The following TCF25 variants were observed in gnomAD, a reference collection of about 807,000 sequenced individuals.
The protein encoded by TCF25 is TCF25 ribosome quality control complex subunit.
A neutral mutation model predicts 83.1 loss-of-function variants in TCF25; 41 were observed. The observed-to-expected ratio is 0.49, with a 90% CI of 0.38 to 0.64. TCF25 has a LOEUF of 0.64. Ranked by LOEUF, TCF25 falls within the 30% of genes least tolerant of loss-of-function variation. The probability of loss-of-function intolerance (pLI) is 0.00; values close to 1 mark genes in which losing one functional copy is unlikely to be tolerated. For missense variants in TCF25, 979 were observed against 914.5 expected (o/e 1.07, Z -0.91); for synonymous variants, 458 against 365.0 (o/e 1.25, Z -2.90).
At chr16:89,875,548 A>T (rs1597245132) in intron 1 of TCF25, among the ~76,000 whole-genome samples, 4 of 98,870 alleles carry the variant, frequency 4.0e-5, no homozygotes, top group South Asian at 3.6e-4. Context: ...TTTGAGATGG[A>T]GTCTCGCTCT....
intron 16 of TCF25, 64 bp from the exon 17 acceptor site, chr16:89,910,527 G>A (rs926817810): frequency 1.3e-6 from 2 of 1,573,432 alleles, no homozygotes; most frequent in Non-Finnish European, 1.7e-6. Context: ...AGCCCCGTGA[G>A]CCGGGTTGGG....
chr16:89,892,302 A>C (rs1341890316), intron 6 of TCF25, 27 bp downstream of exon 6: 2 of 1,500,028 alleles, frequency 1.3e-6, no homozygotes, highest in African/African-American at 2.8e-5. Context: ...GCTGCTGGGG[A>C]TGGAGGGTTG....
At position 89,879,209 on chromosome 16, in the gene TCF25, A is replaced by T. The variant is rs1445533784; in HGVS notation, c.193-4142A>T. Among the ~76,000 whole-genome samples, 5 of 151,450 alleles carry T rather than the reference A, an allele frequency of 3.3e-5. No homozygotes were observed. In the South Asian group the frequency reaches 1.0e-3, roughly 32 times the overall value. The stretch of plus-strand genomic sequence containing the variant: ...TATCACCCGTGCTGTCCGTGTACAC[A>T]GATGGGCTTCGGGGCCTGTCACACG... On this transcript the variant is annotated intron_variant, in intron 1 of 17. Transcript: ENST00000263346.
At chr16:89,895,306 G>A (rs965860108) in intron 8 of TCF25, among the ~76,000 whole-genome samples, 169 bp downstream of exon 8, 7 of 152,154 alleles carry the variant, frequency 4.6e-5, no homozygotes, top group Non-Finnish European at 1.0e-4. Context: ...TTGTTTGTTG[G>A]TGTTTAATAT....
intron 1 of TCF25, among the ~76,000 whole-genome samples, chr16:89,877,172 A>G (rs1290304991): frequency 6.6e-6 from 1 of 152,038 alleles, no homozygotes; most frequent in Non-Finnish European, 1.5e-5. Context: ...TCTACTTTCA[A>G]CCCTGTCAGT....
chr16:89,877,105 AAAAT>A (rs756315948), intron 1 of TCF25, among the ~76,000 whole-genome samples: 16 of 148,980 alleles, frequency 1.1e-4, no homozygotes, highest in South Asian at 4.3e-4. Context: ...CTGTCTCAAA[AAAAT>A]AAATAAATAA....
At chr16:89,885,408 CT>C (rs2144027651) in intron 3 of TCF25, among the ~76,000 whole-genome samples, 1 of 152,276 alleles carries the variant, frequency 6.6e-6, no homozygotes, top group East Asian at 1.9e-4. Flanking sequence ...CTGTCCCATG[CT>C]TATGGGTTAA....
At chr16:89,896,182 G>C (rs1234957052) in intron 9 of TCF25, 99 bp downstream of exon 9, 1 of 1,085,988 alleles carries the variant, frequency 9.2e-7, no homozygotes, top group African/African-American at 1.6e-5. Context: ...TGCCCTCCAG[G>C]GTGGACCAGG....
chr16:89,904,134 C>T lies in TCF25; in HGVS notation c.1398C>T (p.Leu466=), dbSNP rs538983733. 22 of 1,607,162 alleles carry T rather than the reference C, an allele frequency of 1.4e-5. No individual in the cohort carries two copies. The highest frequency in any genetic ancestry group is 3.4e-5 in the Admixed American group (2 of 59,280). Residue 466 remains leucine (L), a synonymous_variant, in exon 13 of 18, where the codon CTC becomes CTT. Coordinates refer to ENST00000263346, the MANE Select transcript of TCF25 (RefSeq NM_014972.3). The part of the protein sequence containing the change: ...TMFPGVLLPL[L]ESCSVRPDAS... The stretch of plus-strand genomic sequence containing the variant: ...CCCCTGCAGTCCTCCTGCCCCTGCT[C>T]GAGTCTTGCAGTGTGCGGCCCGACG...
In TCF25 at chr16:89,911,252, T is replaced by C. The variant is rs1344278613; in HGVS notation, c.*14T>C. The C allele has an allele frequency of 1.9e-5, 30 of 1,610,936 alleles. No individual in the cohort carries two copies. Among genetic ancestry groups the C allele is most frequent in the Non-Finnish European group, 2.5e-5 (29 of 1,179,014 alleles). On this transcript the variant is annotated 3_prime_UTR_variant, in exon 18 of 18. Transcript: ENST00000263346. ...GAGTGGGACTGAGCGTCCGCAGAGG[T>C]GACCGAAAAGCCGTATGATGATGTT...
chr16:89,880,956 A>ATCACCATGAGAG (rs2042561749), intron 1 of TCF25, among the ~76,000 whole-genome samples: 1 of 152,252 alleles, frequency 6.6e-6, no homozygotes, highest in South Asian at 2.1e-4. Flanking sequence ...CACCATGAGA[A>ATCACCATGAGAG]TCACCATCAT....
chr16:89,905,168 C>T (rs1023899306), intron 14 of TCF25, 72 bp downstream of exon 14: 4 of 1,468,310 alleles, frequency 2.7e-6, no homozygotes, highest in Admixed American at 2.5e-5. Context: ...ACGGGGGCCT[C>T]GCATTCGGGA....
intron 1 of TCF25, 133 bp downstream of exon 1, chr16:89,873,992 T>C: frequency 1.3e-6 from 1 of 754,278 alleles, no homozygotes; most frequent in Non-Finnish European, 1.7e-6. Context: ...CCAGCCGCAG[T>C]GGGGAGGGCG....
At chr16:89,897,704 G>T (rs907912121) in intron 9 of TCF25, among the ~76,000 whole-genome samples, 1 of 152,232 alleles carries the variant, frequency 6.6e-6, no homozygotes, top group African/African-American at 2.4e-5. Context: ...AGGGCTCCAT[G>T]TATCCAGCCT....
At chr16:89,887,532 G>A (rs2043109985) in intron 4 of TCF25, 120 bp from the exon 5 acceptor site, 1 of 875,392 alleles carries the variant, frequency 1.1e-6, no homozygotes, top group Non-Finnish European at 1.6e-6. Flanking sequence ...AGGCCTGGAA[G>A]CTGCCTTTCA....
chr16:89,883,588 G>C, intron 2 of TCF25, 76 bp downstream of exon 2: 1 of 1,456,750 alleles, frequency 6.9e-7, no homozygotes, highest in African/African-American at 1.4e-5. Flanking sequence ...ATCCTGTGCT[G>C]TGATTTTCCT....
chr16:89,899,447 T>A (rs2044144434), intron 11 of TCF25, among the ~76,000 whole-genome samples: 1 of 152,182 alleles, frequency 6.6e-6, no homozygotes, highest in Admixed American at 6.5e-5. Flanking sequence ...AAAATTTAAA[T>A]TGGGCCGGGC....
At chr16:89,895,575 G>A (rs1241350570) in intron 8 of TCF25, among the ~76,000 whole-genome samples, 1 of 152,216 alleles carries the variant, frequency 6.6e-6, no homozygotes, top group Non-Finnish European at 1.5e-5. Context: ...AACGTCGTTC[G>A]TTTTTATGGC....
chr16:89,878,985 G>A (rs1447645126), intron 1 of TCF25, among the ~76,000 whole-genome samples: 1 of 152,232 alleles, frequency 6.6e-6, no homozygotes, highest in Non-Finnish European at 1.5e-5. Flanking sequence ...TTTTAGAGCT[G>A]ATGCATGGCA....
Sources: gnomAD v4.1 joint callset for allele counts (sites outside exome capture counted in the v4.1 genomes callset) on GRCh38, gnomAD v4.1.1 for gene constraint, MANE v1.5 for transcripts, NCBI Gene and HGNC (gene_info 2026-07-23, HGNC 2026-07-21) for gene names.